The following SLC5A4 variants were observed in gnomAD, a reference collection of about 807,000 sequenced individuals.
The protein encoded by SLC5A4 is solute carrier family 5 member 4.
A neutral mutation model predicts 70.3 loss-of-function variants in SLC5A4; 55 were observed. The observed-to-expected ratio is 0.78, with a 90% CI of 0.63 to 0.98. The LOEUF is 0.98. Among genes scored for constraint, SLC5A4 ranks in the 50% least tolerant of loss-of-function variants. The probability of loss-of-function intolerance (pLI) is 0.00; values close to 1 mark genes in which losing one functional copy is unlikely to be tolerated. For missense variants in SLC5A4, 735 were observed against 839.2 expected, an observed-to-expected ratio of 0.88 and a Z score of 1.53; for synonymous variants, 268 against 305.7, an observed-to-expected ratio of 0.88 and a Z score of 1.29.
the SLC5A4 span, among the ~76,000 whole-genome samples, chr22:32,328,594 T>G: frequency 6.6e-6 from 1 of 151,398 alleles, no homozygotes; most frequent in Non-Finnish European, 1.5e-5. Context: ...GGGAAGTGTA[T>G]CCTCCCCAGC....
At chr22:32,309,567 C>A in the SLC5A4 span, among the ~76,000 whole-genome samples, 17 of 152,132 alleles carry the variant, frequency 1.1e-4, no homozygotes. Context: ...CCAGCCATAA[C>A]CACAGCAGGA....
the SLC5A4 span, among the ~76,000 whole-genome samples, chr22:32,300,714 G>A: frequency 6.6e-6 from 1 of 152,170 alleles, no homozygotes; most frequent in African/African-American, 2.4e-5. Context: ...GCTTCATCCA[G>A]ATTTTTGCAT....
At chr22:32,330,884 G>A in the SLC5A4 span, among the ~76,000 whole-genome samples, 1 of 131,564 alleles carries the variant, frequency 7.6e-6, no homozygotes, top group African/African-American at 2.9e-5. Context: ...TGCTGTGTAG[G>A]AGTGTTGGGG....
chr22:32,299,118 T>A, the SLC5A4 span, among the ~76,000 whole-genome samples: 1 of 112,658 alleles, frequency 8.9e-6, no homozygotes, highest in Non-Finnish European at 1.9e-5. Context: ...TTGGTGAATC[T>A]GACAATTATG....
the SLC5A4 span, among the ~76,000 whole-genome samples, chr22:32,280,138 C>T: frequency 6.6e-6 from 1 of 152,174 alleles, no homozygotes; most frequent in South Asian, 2.1e-4. Flanking sequence ...GCCTCAGCCT[C>T]TGGAGTAGCT....
chr22:32,242,458 C>T (rs1468488592), intron 5 of SLC5A4, among the ~76,000 whole-genome samples: 1 of 152,130 alleles, frequency 6.6e-6, no homozygotes, highest in African/African-American at 2.4e-5. Flanking sequence ...GCCTGTAATC[C>T]CAGCACTTTG....
intron 14 of SLC5A4, among the ~76,000 whole-genome samples, chr22:32,219,630 C>CAAAAAAAAAAAAAAAAAAAAAAAATAAAA: frequency 3.5e-5 from 1 of 28,880 alleles, no homozygotes; most frequent in African/African-American, 2.6e-4. Context: ...TCCAACTTAG[C>CAAAAAAAAAAAAAAAAAAAAAAAATAAAA]AAAAAAAAAA....
the SLC5A4 span, among the ~76,000 whole-genome samples, chr22:32,302,217 A>G: frequency 6.7e-6 from 1 of 148,470 alleles, no homozygotes; most frequent in African/African-American, 2.5e-5. Context: ...GTCTACTTTG[A>G]TTGTTTTTGT....
rs755019732 is a variant in SLC5A4, at chr22:32,237,277, T to C, written c.631A>G (p.Met211Val). ...IYTDTLQTII[M>V]LIGSFILMGF... Reference sequence around the variant, plus strand: ...ATGAGAATAAAAGAGCCAATCAGCATGATGATGGTCTGGAGGGTGTCTGTG... The same window carrying C: ...ATGAGAATAAAAGAGCCAATCAGCACGATGATGGTCTGGAGGGTGTCTGTG... Residue 211 changes from methionine to valine, a missense_variant, in exon 7 of 15, where the codon ATG (methionine) becomes GTG (valine). Coordinates refer to ENST00000266086, the MANE Select transcript of SLC5A4 (RefSeq NM_014227.3). 6 of 1,610,368 alleles carry C rather than the reference T, an allele frequency of 3.7e-6. No homozygotes were observed. In the East Asian group the frequency reaches 8.9e-5, roughly 24 times the overall value.
intron 11 of SLC5A4, among the ~76,000 whole-genome samples, chr22:32,226,541 CTG>C (rs2123876084): frequency 6.6e-6 from 1 of 152,298 alleles, no homozygotes; most frequent in Non-Finnish European, 1.5e-5. Context: ...GGGCAGGAGA[CTG>C]AAGCACAAAT....
the SLC5A4 span, among the ~76,000 whole-genome samples, chr22:32,336,415 T>A: frequency 6.6e-6 from 1 of 152,250 alleles, no homozygotes; most frequent in African/African-American, 2.4e-5. Context: ...CGTTAAGGCA[T>A]TTTAATTAAG....
intron 7 of SLC5A4, among the ~76,000 whole-genome samples, chr22:32,236,152 G>T (rs532350270): frequency 6.6e-6 from 1 of 152,272 alleles, no homozygotes; most frequent in East Asian, 1.9e-4. Context: ...AGTACACAAA[G>T]AATTGGTGCT....
At chr22:32,309,774 G>A in the SLC5A4 span, among the ~76,000 whole-genome samples, 1 of 152,098 alleles carries the variant, frequency 6.6e-6, no homozygotes, top group African/African-American at 2.4e-5. Flanking sequence ...TCACACATTT[G>A]ACAGATAAGA....
chr22:32,309,767 C>T, the SLC5A4 span, among the ~76,000 whole-genome samples: 1 of 152,140 alleles, frequency 6.6e-6, no homozygotes, highest in Admixed American at 6.5e-5. Context: ...CCCCACCTCA[C>T]ACATTTGACA....
the SLC5A4 span, among the ~76,000 whole-genome samples, chr22:32,323,115 C>A: frequency 2.6e-5 from 4 of 152,180 alleles, no homozygotes; most frequent in South Asian, 2.1e-4. Context: ...AAACCAGGCA[C>A]CCTCCGGGAT....
the SLC5A4 span, chr22:32,272,717 C>A: frequency 1.9e-6 from 1 of 513,898 alleles, no homozygotes; most frequent in South Asian, 1.9e-5. Context: ...TGGGTGCCCA[C>A]ATGAACGCAT....
the SLC5A4 span, among the ~76,000 whole-genome samples, chr22:32,306,998 G>A: frequency 1.6e-4 from 25 of 152,298 alleles, no homozygotes; most frequent in East Asian, 5.8e-4. Context: ...CAGGGATGGC[G>A]CTGACCAATG....
At chr22:32,321,364 A>G in the SLC5A4 span, among the ~76,000 whole-genome samples, 2 of 152,276 alleles carry the variant, frequency 1.3e-5, no homozygotes, top group African/African-American at 2.4e-5. Context: ...AGGCAGGAAA[A>G]TCACTCGAAT....
chr22:32,291,816 TTA>T, the SLC5A4 span, among the ~76,000 whole-genome samples: 9 of 149,754 alleles, frequency 6.0e-5, no homozygotes, highest in African/African-American at 1.9e-4. Flanking sequence ...TTTTTATATT[TTA>T]TATATATGTG....
Sources: allele counts gnomAD v4.1 joint callset (sites outside exome capture counted in the v4.1 genomes callset), GRCh38; gene constraint gnomAD v4.1.1; transcripts MANE v1.5; gene names NCBI Gene and HGNC (gene_info 2026-07-23, HGNC 2026-07-21).